STS: variants seen among roughly 807,000 people sequenced by gnomAD.
The protein encoded by STS is steroid sulfatase.
STS carries 7 observed loss-of-function variants against 26.8 expected under a neutral mutation model. The ratio of observed to expected loss-of-function variants is 0.26; its 90% confidence interval spans 0.15 to 0.49. STS has a LOEUF of 0.49. STS is among the 20% of genes least tolerant of loss of function. The probability of loss-of-function intolerance (pLI) is 0.98; values close to 1 mark genes in which losing one functional copy is unlikely to be tolerated. For missense variants in STS, 434 were observed against 465.6 expected (o/e 0.93, Z 0.63); for synonymous variants, 199 against 189.4 (o/e 1.05, Z -0.42).
intron 2 of STS, among the ~76,000 whole-genome samples, chrX:7,193,840 TTA>T (rs1160752675): frequency 9.0e-6 from 1 of 111,727 alleles, no homozygotes; most frequent in Non-Finnish European, 1.9e-5. Flanking sequence ...AGGAGAACAC[TTA>T]TATTGTCTGT....
intron 8 of STS, among the ~76,000 whole-genome samples, chrX:7,320,022 AT>A (rs1295489079): frequency 1.6e-4 from 15 of 92,991 alleles, no homozygotes; most frequent in African/African-American, 6.0e-4. Flanking sequence ...ATTTATATAT[AT>A]TTATATATAT....
At chrX:7,346,865 C>T (rs746567540) in intron 10 of STS, among the ~76,000 whole-genome samples, 26 of 110,648 alleles carry the variant, frequency 2.3e-4, no homozygotes, top group Non-Finnish European at 3.0e-4. Context: ...CCCAGGAGTT[C>T]GAGACCAGCC....
In STS at chrX:7,254,547, C is replaced by T. The variant is rs1923303525; in HGVS notation, c.137+1211C>T. Among the ~76,000 whole-genome samples, 2 of 106,412 alleles carry T rather than the reference C, an allele frequency of 1.9e-5. 1 individual carries two copies. Among genetic ancestry groups the T allele is most frequent in the Admixed American group, 2.0e-4 (2 of 9,836 alleles). The allele number at this position is 106,412 out of a possible 115,157, so 92.4% of individuals were successfully genotyped here. A position where few individuals can be genotyped will look rare whatever the true frequency, so the allele number is the denominator to read the frequency against. ...GAGGAAAGAGATTATTTGCTTCTAC[C>T]AGAACTTTCTTTTTTCTTTTTTTCT... On this transcript the variant is annotated intron_variant, in intron 3 of 10. Transcript: ENST00000674429.
At chrX:7,345,588 G>A (rs775689115) in intron 10 of STS, among the ~76,000 whole-genome samples, 2 of 111,289 alleles carry the variant, frequency 1.8e-5, no homozygotes, top group Non-Finnish European at 3.8e-5. Context: ...AATCCTAAAC[G>A]AGTCCTGTTA....
intron 8 of STS, among the ~76,000 whole-genome samples, chrX:7,315,262 T>C (rs1478199713): frequency 8.9e-6 from 1 of 112,394 alleles, no homozygotes; most frequent in Non-Finnish European, 1.9e-5. Context: ...GAATGAGACA[T>C]GCATAGAATT....
chrX:7,241,933 T>G (rs1353613919), intron 2 of STS, among the ~76,000 whole-genome samples: 1 of 111,120 alleles, frequency 9.0e-6, no homozygotes, highest in Non-Finnish European at 1.9e-5. Context: ...AAAGCCTCAT[T>G]TTTTTTTGCT....
At chrX:7,349,739 C>G (rs1928702288) in intron 10 of STS, 149 bp from the exon 11 acceptor site, 2 of 818,198 alleles carry the variant, frequency 2.4e-6, no homozygotes, top group Admixed American at 2.5e-5. Context: ...CATAATCTTT[C>G]CTGTACATAT....
chrX:7,246,293 G>A (rs1421464670), intron 2 of STS, among the ~76,000 whole-genome samples: 36 of 101,956 alleles, frequency 3.5e-4, no homozygotes, highest in African/African-American at 1.2e-3. Flanking sequence ...ACAGAGTCTC[G>A]CTCTGTCGCT....
chrX:7,270,075 C>A (rs1878656945), intron 6 of STS, among the ~76,000 whole-genome samples: 2 of 111,986 alleles, frequency 1.8e-5, no homozygotes, highest in Non-Finnish European at 3.8e-5. Context: ...TTACATGTTG[C>A]TGGAAAGGCT....
At chrX:7,346,354 C>T (rs1239409010) in intron 10 of STS, among the ~76,000 whole-genome samples, 1 of 108,994 alleles carries the variant, frequency 9.2e-6, no homozygotes, top group East Asian at 2.9e-4. Flanking sequence ...TCATTGATAT[C>T]TTTGACCATC....
intron 1 of STS, among the ~76,000 whole-genome samples, chrX:7,169,047 T>C (rs1933408686): frequency 9.0e-6 from 1 of 111,583 alleles, no homozygotes; most frequent in Admixed American, 9.5e-5. Context: ...ATTGAGTACA[T>C]TGACCACATT....
intron 2 of STS, among the ~76,000 whole-genome samples, chrX:7,223,853 GT>G (rs1220410569): frequency 9.0e-6 from 1 of 110,845 alleles, no homozygotes; most frequent in Non-Finnish European, 1.9e-5. Context: ...ATTTTTTTAA[GT>G]TTATGGAAAC....
At chrX:7,243,711 C>T (rs1360132949) in intron 2 of STS, among the ~76,000 whole-genome samples, 1 of 111,116 alleles carries the variant, frequency 9.0e-6, no homozygotes, top group Non-Finnish European at 1.9e-5. Flanking sequence ...GGGGAGACCC[C>T]GAAAAGGGAG....
chrX:7,237,107 TATG>T (rs1370339555), intron 2 of STS, among the ~76,000 whole-genome samples: 1 of 109,700 alleles, frequency 9.1e-6, no homozygotes, highest in Non-Finnish European at 1.9e-5. Context: ...ACATATCTAT[TATG>T]TGATTGCATA....
At chrX:7,304,698 CA>C (rs1253283060) in intron 7 of STS, among the ~76,000 whole-genome samples, 1 of 112,026 alleles carries the variant, frequency 8.9e-6, no homozygotes, top group East Asian at 2.8e-4. Flanking sequence ...CTGGTGAGAA[CA>C]ACCTTTCAGC....
intron 2 of STS, among the ~76,000 whole-genome samples, chrX:7,197,200 T>C (rs1045457605): frequency 3.7e-4 from 42 of 112,164 alleles, no homozygotes; most frequent in African/African-American, 1.2e-3. Flanking sequence ...GGCACTCTTG[T>C]TGCATTTGCA....
chrX:7,279,309 ATATGTGTGTGTGTG>A (rs1388660479), intron 7 of STS, among the ~76,000 whole-genome samples: 27 of 34,259 alleles, frequency 7.9e-4, no homozygotes, highest in Non-Finnish European at 1.5e-3. Context: ...ATATATATAT[ATATGTGTGTGTGTG>A]TGTGTGTGTG....
intron 2 of STS, among the ~76,000 whole-genome samples, chrX:7,199,451 CTTA>C (rs754469223): frequency 2.7e-5 from 3 of 111,944 alleles, no homozygotes; most frequent in Admixed American, 9.5e-5. Context: ...AAATTTACCA[CTTA>C]TTATAATAAA....
chrX:7,204,150 C>G lies in STS; in HGVS notation c.-5+13142C>G, dbSNP rs751628697. ...CATGTTTGGTTCTGCCTTTTACACC[C>G]TAAAATTATACCATAAGGTTTTATA... On this transcript the variant is annotated intron_variant, in intron 2 of 10. Coordinates refer to ENST00000674429, the MANE Select transcript of STS (RefSeq NM_001320752.2). Among the ~76,000 whole-genome samples, 13 of 111,362 alleles carry G rather than the reference C, an allele frequency of 1.2e-4. No individual in the cohort carries two copies. In the South Asian group the frequency reaches 1.5e-3, roughly 13 times the overall value.
Sources: gnomAD v4.1 joint callset for allele counts (sites outside exome capture counted in the v4.1 genomes callset) on GRCh38, gnomAD v4.1.1 for gene constraint, MANE v1.5 for transcripts, NCBI Gene and HGNC (gene_info 2026-07-23, HGNC 2026-07-21) for gene names.